ZNF25: variants seen among roughly 807,000 people sequenced by gnomAD.
ZNF25 encodes zinc finger protein 25 (KOX 19).
In ZNF25, 21 loss-of-function variants were observed where a neutral mutation model predicts 30.9. The observed-to-expected ratio is 0.68, with a 90% CI of 0.48 to 0.98. The LOEUF (loss-of-function observed/expected upper bound fraction) is 0.98. Among genes scored for constraint, ZNF25 ranks in the 50% least tolerant of loss-of-function variants. The probability of loss-of-function intolerance (pLI) is 0.00; values close to 1 mark genes in which losing one functional copy is unlikely to be tolerated. For synonymous variants in ZNF25, 169 were observed against 181.3 expected (o/e 0.93, Z 0.55); for missense variants, 501 against 529.9 (o/e 0.95, Z 0.54).
intron 2 of ZNF25, chr10:37,967,886 T>C (rs2063275569): frequency 6.6e-6 from 1 of 152,188 alleles, no homozygotes; most frequent in African/African-American, 2.4e-5. Context: ...GAGTTAAACA[T>C]GTAGAACTCT....
chr10:37,955,638 C>T (rs2135308491), intron 4 of ZNF25, among the ~76,000 whole-genome samples: 1 of 152,176 alleles, frequency 6.6e-6, no homozygotes, highest in South Asian at 2.1e-4. Flanking sequence ...AGGAACAGAG[C>T]AGAAAGTAGA....
At chr10:37,959,604 C>A (rs2062731563) in intron 2 of ZNF25, among the ~76,000 whole-genome samples, 1 of 151,746 alleles carries the variant, frequency 6.6e-6, no homozygotes, top group African/African-American at 2.4e-5. Context: ...ATTCTTGGTT[C>A]ATTTTTTTTT....
At chr10:37,962,710 A>C (rs1431267973) in intron 2 of ZNF25, among the ~76,000 whole-genome samples, 1 of 152,200 alleles carries the variant, frequency 6.6e-6, no homozygotes, top group Non-Finnish European at 1.5e-5. Context: ...CAATATCAAA[A>C]ATGAAAAGGG....
At chr10:37,970,961 A>G (rs1274604149) in intron 2 of ZNF25, among the ~76,000 whole-genome samples, 2 of 152,184 alleles carry the variant, frequency 1.3e-5, no homozygotes, top group Middle Eastern at 3.2e-3. Context: ...GTTTGTCTCC[A>G]AACATATACC....
At position 37,952,998 on chromosome 10, in the gene ZNF25, A is replaced by T; in HGVS notation, c.500T>A (p.Ile167Asn). ...CTCATAGGTTTTATCTCTCGTGTGA[A>T]TTTTCTGATGTCTTATGAGGTCTTC... ...KNEDLIRHQK[I>N]HTRDKTYECK... The change falls in exon 6 of 6, where the codon ATT becomes AAT. Residue 167 changes from isoleucine to asparagine, a missense_variant. Coordinates refer to ENST00000302609, the MANE Select transcript of ZNF25 (RefSeq NM_145011.4). 1 of 1,613,880 alleles carries T rather than the reference A, an allele frequency of 6.2e-7. No individual in the cohort carries two copies. Among genetic ancestry groups the T allele is most frequent in the African/African-American group, 1.3e-5 (1 of 74,976 alleles).
In ZNF25 at chr10:37,958,038, C is replaced by A. The variant is rs533813287; in HGVS notation, c.16-492G>T. Among the ~76,000 whole-genome samples, 3 of 152,268 alleles carry A rather than the reference C, an allele frequency of 2.0e-5. No individual in the cohort carries two copies. In the East Asian group the frequency reaches 5.8e-4, roughly 29 times the overall value. On this transcript the variant is annotated intron_variant, in intron 2 of 5. Transcript: ENST00000302609. ...TACCATCTAGGCTTGTGTAAGGACA[C>A]TCTATGATGTTTGCACGATGAAGTC...
chr10:37,967,678 G>C (rs552099808), intron 2 of ZNF25, among the ~76,000 whole-genome samples: 1 of 152,270 alleles, frequency 6.6e-6, no homozygotes, highest in African/African-American at 2.4e-5. Context: ...AAAGTGTTAG[G>C]ATTACAGGCA....
chr10:37,976,388 C>T (rs746114510), intron 1 of ZNF25, 118 bp downstream of exon 1: 3 of 152,386 alleles, frequency 2.0e-5, no homozygotes, highest in African/African-American at 7.2e-5. Flanking sequence ...CCAACCTCCC[C>T]ACCAGGCGGC....
At chr10:37,973,199 T>C (rs1316934909) in intron 1 of ZNF25, among the ~76,000 whole-genome samples, 1 of 150,754 alleles carries the variant, frequency 6.6e-6, no homozygotes, top group Non-Finnish European at 1.5e-5. Context: ...AGCATTTCCA[T>C]ACACCAACAG....
At chr10:37,953,835 A>T in intron 4 of ZNF25, 77 bp from the exon 5 acceptor site, 2 of 1,340,186 alleles carry the variant, frequency 1.5e-6, no homozygotes, top group Non-Finnish European at 2.1e-6. Flanking sequence ...CTTAGGCTTC[A>T]GGCCAATTTC....
At chr10:37,974,016 T>C (rs1311693648) in intron 1 of ZNF25, among the ~76,000 whole-genome samples, 3 of 152,180 alleles carry the variant, frequency 2.0e-5, no homozygotes, top group Non-Finnish European at 2.9e-5. Context: ...ACTAAGAACA[T>C]ACATTGGAGA....
intron 1 of ZNF25, among the ~76,000 whole-genome samples, chr10:37,975,295 G>C (rs575215071): frequency 1.4e-4 from 21 of 152,100 alleles, no homozygotes; most frequent in Middle Eastern, 3.4e-3. Flanking sequence ...AAATGAGGCG[G>C]TGGATATTGT....
chr10:37,959,447 G>C (rs1236755409), intron 2 of ZNF25, among the ~76,000 whole-genome samples: 2 of 152,184 alleles, frequency 1.3e-5, no homozygotes, highest in Non-Finnish European at 2.9e-5. Context: ...CGTGGGTACA[G>C]TTATAGTGCC....
chr10:37,970,825 TC>T (rs1197274957), intron 2 of ZNF25, among the ~76,000 whole-genome samples: 1 of 152,132 alleles, frequency 6.6e-6, no homozygotes, highest in Non-Finnish European at 1.5e-5. Context: ...CCCTCAGATT[TC>T]TACTTGGCTC....
chr10:37,961,637 T>C (rs1590241604), intron 2 of ZNF25, among the ~76,000 whole-genome samples: 1 of 151,838 alleles, frequency 6.6e-6, no homozygotes, highest in East Asian at 1.9e-4. Flanking sequence ...TAAAAGCTAA[T>C]AGGGCCAGGT....
chr10:37,975,494 A>G (rs1320000394), intron 1 of ZNF25, among the ~76,000 whole-genome samples: 2 of 152,248 alleles, frequency 1.3e-5, no homozygotes, highest in South Asian at 2.1e-4. Context: ...TAAGATCACC[A>G]CCATAAAATG....
chr10:37,971,101 G>T (rs2063463753), intron 2 of ZNF25, among the ~76,000 whole-genome samples: 1 of 152,104 alleles, frequency 6.6e-6, no homozygotes, highest in African/African-American at 2.4e-5. Context: ...GATCATTTGA[G>T]GTCAGGAATT....
At chr10:37,968,945 G>T (rs1228199073) in intron 2 of ZNF25, among the ~76,000 whole-genome samples, 1 of 151,992 alleles carries the variant, frequency 6.6e-6, no homozygotes, top group Non-Finnish European at 1.5e-5. Context: ...CCAATCACCT[G>T]CATATACCAA....
In ZNF25 at chr10:37,952,970, A is replaced by G; in HGVS notation, c.528T>C (p.Cys176=). Residue 176 remains cysteine, a synonymous_variant, in exon 6 of 6, where the codon TGT becomes TGC. Coordinates refer to ENST00000302609, the MANE Select transcript of ZNF25 (RefSeq NM_145011.4). ...KIHTRDKTYE[C]KECKKIFYHL... ...GGTAAAATATTTTCTTACATTCTTT[A>G]CACTCATAGGTTTTATCTCTCGTGT... 1 of 1,614,080 alleles carries G rather than the reference A, an allele frequency of 6.2e-7. No individual in the cohort carries two copies.
Sources: gnomAD v4.1 joint callset for allele counts (sites outside exome capture counted in the v4.1 genomes callset) on GRCh38, gnomAD v4.1.1 for gene constraint, MANE v1.5 for transcripts, NCBI Gene and HGNC (gene_info 2026-07-23, HGNC 2026-07-21) for gene names.